Variants in SNTG2 observed in about 807,000 individuals in gnomAD.
SNTG2 encodes gamma-2-syntrophin.
A neutral mutation model predicts 70.9 loss-of-function variants in SNTG2; 74 were observed. The ratio of observed to expected loss-of-function variants is 1.04; its 90% confidence interval spans 0.86 to 1.27. SNTG2 has a LOEUF of 1.27. Ranked by LOEUF, SNTG2 falls within the 50% of genes most tolerant of loss-of-function variation. The probability of loss-of-function intolerance (pLI) is 0.00; values close to 1 mark genes in which losing one functional copy is unlikely to be tolerated. For missense variants in SNTG2, 717 were observed against 690.7 expected (o/e 1.04, Z -0.43); for synonymous variants, 278 against 273.8 (o/e 1.02, Z -0.15).
At chr2:1,325,501 A>G (rs1459080876) in intron 16 of SNTG2, among the ~76,000 whole-genome samples, 1 of 152,236 alleles carries the variant, frequency 6.6e-6, no homozygotes, top group African/African-American at 2.4e-5. Context: ...TGTGTTAGCA[A>G]TCCTCATGAA....
intron 1 of SNTG2, among the ~76,000 whole-genome samples, chr2:977,737 G>A (rs555022531): frequency 2.6e-5 from 4 of 152,052 alleles, no homozygotes; most frequent in Admixed American, 6.5e-5. Flanking sequence ...AGACCTTACC[G>A]AGATCAGGAC....
At chr2:1,070,884 G>A (rs1267542020) in intron 1 of SNTG2, among the ~76,000 whole-genome samples, 2 of 152,240 alleles carry the variant, frequency 1.3e-5, no homozygotes, top group African/African-American at 2.4e-5. Flanking sequence ...ACTGCAGCAA[G>A]CATGTGATCC....
At chr2:1,217,973 C>T (rs933431564) in intron 9 of SNTG2, among the ~76,000 whole-genome samples, 6 of 152,022 alleles carry the variant, frequency 3.9e-5, no homozygotes, top group African/African-American at 7.2e-5. Context: ...ACCAAGGTGT[C>T]GGCTGGGCTG....
chr2:1,340,216 G>A (rs1660015577), intron 16 of SNTG2, among the ~76,000 whole-genome samples: 1 of 152,218 alleles, frequency 6.6e-6, no homozygotes, highest in South Asian at 2.1e-4. Flanking sequence ...CTCAGAGACT[G>A]TGAATTTGGA....
At chr2:975,814 T>G (rs1027805887) in intron 1 of SNTG2, among the ~76,000 whole-genome samples, 1 of 152,252 alleles carries the variant, frequency 6.6e-6, no homozygotes, top group Non-Finnish European at 1.5e-5. Context: ...CATATAGCTA[T>G]TATTACTGTG....
In SNTG2 at chr2:1,162,189, A is replaced by G. The variant is rs1289876774; in HGVS notation, c.412-3359A>G. ...GTAATAAGTGCAGATTCCTGTAAGCAAGGGATGGCAGATTTTCCTGCTTCA... is the reference window on the plus strand; with the variant it reads ...GTAATAAGTGCAGATTCCTGTAAGCGAGGGATGGCAGATTTTCCTGCTTCA... On this transcript the variant is annotated intron_variant, in intron 6 of 16. Transcript: ENST00000308624. Among the ~76,000 whole-genome samples the G allele has an allele frequency of 3.3e-5, 5 of 152,072 alleles. No individual in the cohort carries two copies. The East Asian group carries it at 9.6e-4, about 29-fold the overall frequency.
chr2:1,079,445 G>A (rs947358198), intron 1 of SNTG2, among the ~76,000 whole-genome samples: 4 of 150,232 alleles, frequency 2.7e-5, no homozygotes, highest in Non-Finnish European at 5.9e-5. Flanking sequence ...CTCTAATCTG[G>A]TTGTGTTCCT....
intron 4 of SNTG2, among the ~76,000 whole-genome samples, chr2:1,118,252 A>G (rs968833053): frequency 2.0e-5 from 3 of 151,930 alleles, no homozygotes; most frequent in African/African-American, 7.3e-5. Flanking sequence ...GCCGTGTCAG[A>G]CCCTGCGCTG....
intron 14 of SNTG2, among the ~76,000 whole-genome samples, chr2:1,297,571 T>G (rs1328802792): frequency 6.6e-6 from 1 of 150,628 alleles, no homozygotes; most frequent in African/African-American, 2.5e-5. Flanking sequence ...CCGGCGCCTC[T>G]ACAGCTCCTT....
intron 8 of SNTG2, among the ~76,000 whole-genome samples, chr2:1,194,722 C>G (rs1286012490): frequency 1.3e-5 from 2 of 152,056 alleles, no homozygotes; most frequent in African/African-American, 4.8e-5. Flanking sequence ...GTCTGCTGAT[C>G]AGGCTTATTT....
intron 8 of SNTG2, among the ~76,000 whole-genome samples, chr2:1,182,567 C>T (rs935619379): frequency 1.3e-5 from 2 of 152,130 alleles, no homozygotes; most frequent in African/African-American, 2.4e-5. Context: ...GTCTGCAATC[C>T]GAGAGGAAAG....
Position 1,111,435 on chromosome 2 carries a change from C to T in SNTG2, c.325+13025C>T, listed in dbSNP as rs1472625016. Among the ~76,000 whole-genome samples, 9 of 152,216 alleles carry T rather than the reference C, an allele frequency of 5.9e-5. No homozygotes were observed. In the East Asian group the frequency reaches 1.2e-3, roughly 20 times the overall value. On this transcript the variant is annotated intron_variant, in intron 4 of 16. Coordinates refer to ENST00000308624, the MANE Select transcript of SNTG2 (RefSeq NM_018968.4). The stretch of plus-strand genomic sequence containing the variant: ...GGGTCCCTGCTGTTGAGATTAGGAC[C>T]GCAGGTGTGCAGCAGAGAATCCAGT...
At chr2:1,169,726 G>A (rs1670997635) in intron 7 of SNTG2, among the ~76,000 whole-genome samples, 1 of 152,170 alleles carries the variant, frequency 6.6e-6, no homozygotes, top group African/African-American at 2.4e-5. Context: ...TCCTGAGCGG[G>A]GCTGTGCTGA....
chr2:983,381 C>T (rs370561963), intron 1 of SNTG2, among the ~76,000 whole-genome samples: 69 of 128,386 alleles, frequency 5.4e-4, no homozygotes, highest in African/African-American at 1.8e-3. Flanking sequence ...CGGGATGAAG[C>T]AGAGGCTCTT....
chr2:1,216,713 C>T lies in SNTG2; in HGVS notation c.719+7483C>T, dbSNP rs572343963. 3.9e-5 allele frequency among the ~76,000 whole-genome samples: 6 copies of T among 152,322 alleles called. No homozygotes were observed. The South Asian group carries it at 1.2e-3, about 32-fold the overall frequency. On this transcript the variant is annotated intron_variant, in intron 9 of 16. Transcript: ENST00000308624. ...CACAGACAGGAGAGTCCCTCTGGGT[C>T]CTTGTGTGAACAGTAGTAATGTGGT... is the stretch of plus-strand genomic sequence containing the variant.
intron 1 of SNTG2, among the ~76,000 whole-genome samples, chr2:1,068,991 G>GT (rs1459379907): frequency 1.3e-5 from 2 of 152,200 alleles, no homozygotes; most frequent in Non-Finnish European, 2.9e-5. Flanking sequence ...AAAAGGCTGA[G>GT]TAAAAATGTG....
intron 8 of SNTG2, among the ~76,000 whole-genome samples, chr2:1,200,257 T>C (rs764599717): frequency 2.2e-4 from 34 of 151,862 alleles, no homozygotes; most frequent in Non-Finnish European, 4.1e-4. Context: ...ACCAAGAACA[T>C]ACATTGGTGA....
At chr2:1,021,005 T>C (rs1173253366) in intron 1 of SNTG2, among the ~76,000 whole-genome samples, 1 of 152,210 alleles carries the variant, frequency 6.6e-6, no homozygotes, top group African/African-American at 2.4e-5. Context: ...CAAAGAAGAA[T>C]AGCTTTTCCT....
chr2:1,342,232 G>A (rs1264497305), intron 16 of SNTG2, among the ~76,000 whole-genome samples: 1 of 147,676 alleles, frequency 6.8e-6, no homozygotes, highest in Non-Finnish European at 1.5e-5. Flanking sequence ...ATTATGTTAT[G>A]ATTACATTTG....
Sources: gnomAD v4.1 joint callset for allele counts (sites outside exome capture counted in the v4.1 genomes callset) on GRCh38, gnomAD v4.1.1 for gene constraint, MANE v1.5 for transcripts, NCBI Gene and HGNC (gene_info 2026-07-23, HGNC 2026-07-21) for gene names.